Variants in EXT1 observed in about 807,000 individuals in gnomAD.
The protein encoded by EXT1 is exostosin glycosyltransferase 1, also known as exostosin-1.
Under a neutral mutation model 82.5 loss-of-function variants are expected in EXT1, and 20 were observed. That is an observed-to-expected ratio of 0.24 (90% CI 0.17 to 0.35). The LOEUF is 0.35. EXT1 is among the 10% of genes least tolerant of loss of function. The pLI is 1.00. For missense variants in EXT1, 757 were observed against 936.5 expected (o/e 0.81, Z 2.50); for synonymous variants, 348 against 350.8 (o/e 0.99, Z 0.09).
At chr8:117,927,236 T>C (rs1813969541) in intron 1 of EXT1, among the ~76,000 whole-genome samples, 1 of 152,154 alleles carries the variant, frequency 6.6e-6, no homozygotes, top group Non-Finnish European at 1.5e-5. Flanking sequence ...CTGACTTGTG[T>C]TACATCAAAA....
chr8:117,856,417 G>T (rs1235309402), intron 1 of EXT1, among the ~76,000 whole-genome samples: 1 of 135,486 alleles, frequency 7.4e-6, no homozygotes, highest in Non-Finnish European at 1.5e-5. Flanking sequence ...ACCACGCCTG[G>T]CTAAATTTTT....
At chr8:117,848,120 C>T (rs947835283) in intron 1 of EXT1, among the ~76,000 whole-genome samples, 4 of 152,184 alleles carry the variant, frequency 2.6e-5, no homozygotes, top group South Asian at 4.1e-4. Flanking sequence ...TTACTATGAA[C>T]GCTGCATGAA....
At chr8:118,020,806 C>G (rs1397020748) in intron 1 of EXT1, among the ~76,000 whole-genome samples, 1 of 152,186 alleles carries the variant, frequency 6.6e-6, no homozygotes, top group Non-Finnish European at 1.5e-5. Context: ...ACCATAGCAA[C>G]CTTGGCTATA....
intron 1 of EXT1, among the ~76,000 whole-genome samples, chr8:118,094,186 A>G (rs1817569565): frequency 6.6e-6 from 1 of 152,224 alleles, no homozygotes; most frequent in South Asian, 2.1e-4. Context: ...AGCTTCACAG[A>G]ACTAGTGGGA....
chr8:117,956,272 T>C (rs72673976), intron 1 of EXT1, among the ~76,000 whole-genome samples: 3,007 of 152,074 alleles, frequency 0.02, 71 homozygotes, highest in Non-Finnish European at 0.025. Context: ...TTCCACTCAC[T>C]GGACCTCAGT....
chr8:117,946,990 G>T (rs978490367), intron 1 of EXT1, among the ~76,000 whole-genome samples: 2 of 152,132 alleles, frequency 1.3e-5, no homozygotes, highest in Non-Finnish European at 2.9e-5. Flanking sequence ...GAGTATATGG[G>T]TTACCCGAGC....
chr8:117,834,399 G>T (rs992244516), intron 3 of EXT1, among the ~76,000 whole-genome samples: 1 of 152,128 alleles, frequency 6.6e-6, no homozygotes, highest in Admixed American at 6.5e-5. Flanking sequence ...GAGGTTAGAA[G>T]TTCGAGAACA....
chr8:117,945,024 CGGTGGTGGGCGCCTGTAGT>C (rs1416734607), intron 1 of EXT1, among the ~76,000 whole-genome samples: 15 of 152,000 alleles, frequency 9.9e-5, no homozygotes, highest in Admixed American at 5.2e-4. Flanking sequence ...TAGCCGGGCG[CGGTGGTGGGCGCCTGTAGT>C]CCCAGCTACT....
intron 1 of EXT1, among the ~76,000 whole-genome samples, chr8:117,873,025 T>C (rs1292978670): frequency 6.6e-6 from 1 of 152,088 alleles, no homozygotes; most frequent in East Asian, 1.9e-4. Flanking sequence ...CAAATACCGA[T>C]GGGATGATGA....
At chr8:117,835,287 T>C (rs115032575) in intron 3 of EXT1, among the ~76,000 whole-genome samples, 157 bp downstream of exon 3, 287 of 152,330 alleles carry the variant, frequency 1.9e-3, no homozygotes, top group African/African-American at 5.2e-3. Flanking sequence ...GTGAACAATG[T>C]CATATTAAAT....
intron 1 of EXT1, among the ~76,000 whole-genome samples, chr8:118,103,449 G>A (rs766732223): frequency 6.6e-6 from 1 of 152,216 alleles, no homozygotes; most frequent in Non-Finnish European, 1.5e-5. Context: ...ACTGTGCTCA[G>A]CCTGTGTATA....
At chr8:117,941,157 C>T (rs1814265012) in intron 1 of EXT1, among the ~76,000 whole-genome samples, 2 of 152,160 alleles carry the variant, frequency 1.3e-5, no homozygotes, top group Non-Finnish European at 2.9e-5. Context: ...CTAGGGAACC[C>T]TACCTAAGTC....
chr8:117,945,711 G>A (rs1233386988), intron 1 of EXT1, among the ~76,000 whole-genome samples: 1 of 151,874 alleles, frequency 6.6e-6, no homozygotes, highest in Non-Finnish European at 1.5e-5. Flanking sequence ...CCATGTTGGT[G>A]AGGCTGGTCT....
Position 117,951,828 on chromosome 8 carries a change from G to GA in EXT1, c.963-114628dup, listed in dbSNP as rs200433699. Among the ~76,000 whole-genome samples the GA allele has an allele frequency of 7.9e-3, 1,201 of 151,146 alleles. 22 individuals are homozygous for GA. Among genetic ancestry groups the GA allele is most frequent in the African/African-American group, 0.028 (1,144 of 41,220 alleles). On this transcript the variant is annotated intron_variant, in intron 1 of 10. Coordinates refer to ENST00000378204, the MANE Select transcript of EXT1 (RefSeq NM_000127.3). ...GATTTTTACACTTTTAAAGCATTAG[G>GA]AAAAAAAAATCAACAGAAGAATAAT...
At chr8:117,959,202 C>G (rs1022530223) in intron 1 of EXT1, among the ~76,000 whole-genome samples, 1 of 152,220 alleles carries the variant, frequency 6.6e-6, no homozygotes, top group African/African-American at 2.4e-5. Flanking sequence ...TTAGGGAAAG[C>G]TGGCCAAGGG....
chr8:117,925,168 T>C (rs1217500453), intron 1 of EXT1, among the ~76,000 whole-genome samples: 1 of 152,224 alleles, frequency 6.6e-6, no homozygotes, highest in Non-Finnish European at 1.5e-5. Context: ...TGAAGTGCTT[T>C]CATAAATATG....
At chr8:118,099,193 A>G (rs905630495) in intron 1 of EXT1, among the ~76,000 whole-genome samples, 1 of 152,232 alleles carries the variant, frequency 6.6e-6, no homozygotes, top group Non-Finnish European at 1.5e-5. Context: ...TTGGAAGCAC[A>G]TTCATTCCTG....
chr8:117,821,855 G>A (rs1048616487), intron 5 of EXT1, among the ~76,000 whole-genome samples: 7 of 152,254 alleles, frequency 4.6e-5, no homozygotes, highest in African/African-American at 1.2e-4. Flanking sequence ...AACAGTAGCC[G>A]GTGGTAGAGA....
chr8:117,899,085 T>A (rs1368499017), intron 1 of EXT1, among the ~76,000 whole-genome samples: 2 of 152,198 alleles, frequency 1.3e-5, no homozygotes, highest in Non-Finnish European at 2.9e-5. Context: ...ACTCTCCTAT[T>A]CTTTGAATAC....
Sources: gnomAD v4.1 joint callset for allele counts (sites outside exome capture counted in the v4.1 genomes callset) on GRCh38, gnomAD v4.1.1 for gene constraint, MANE v1.5 for transcripts, NCBI Gene and HGNC (gene_info 2026-07-23, HGNC 2026-07-21) for gene names.